The following OGG1 variants were observed in gnomAD, a reference collection of about 807,000 sequenced individuals.
The protein encoded by OGG1 is 8-oxoguanine DNA glycosylase.
Under a neutral mutation model 42.3 loss-of-function variants are expected in OGG1, and 35 were observed. The ratio of observed to expected loss-of-function variants is 0.83; its 90% CI spans 0.63 to 1.10. OGG1 has a LOEUF of 1.10. Ranked by LOEUF, OGG1 falls within the 50% of genes least tolerant of loss-of-function variation. OGG1 has a pLI of 0.00. For synonymous variants in OGG1, 189 were observed against 179.0 expected, an observed-to-expected ratio of 1.06 and a Z score of -0.44; for missense variants, 484 against 446.7, an observed-to-expected ratio of 1.08 and a Z score of -0.75.
At chr3:9,790,101 T>C, downstream of OGG1, 1 of 1,104,142 alleles carries the variant, frequency 9.1e-7, no homozygotes, top group Non-Finnish European at 1.2e-6. Context: ...TAGTAAACTC[T>C]TACTCATCCT....
chr3:9,790,504 C>CA (rs1371316967), downstream of OGG1, among the ~76,000 whole-genome samples: 3 of 152,240 alleles, frequency 2.0e-5, no homozygotes, highest in African/African-American at 7.2e-5. Flanking sequence ...GAATGACCAT[C>CA]ACACCTTGTC....
chr3:9,768,111 C>T (rs947029139), downstream of OGG1, among the ~76,000 whole-genome samples: 1 of 152,070 alleles, frequency 6.6e-6, no homozygotes, highest in African/African-American at 2.4e-5. Context: ...ACAGATAAAC[C>T]CCCAGAGCAG....
rs1330901013 is a variant in OGG1 at position 9,751,898 on chromosome 3, C to T, written c.514C>T (p.Gln172Ter). The T allele has an allele frequency of 6.2e-7, 1 of 1,614,188 alleles. No individual in the cohort carries two copies. The highest frequency in any genetic ancestry group is 1.7e-5 in the Admixed American group (1 of 60,024). ...LCQAFGPRLI[Q>*]LDDVTYHGFP... is the part of the protein sequence containing the mutation. ...CCAGGCTTTTGGACCTCGGCTCATC[C>T]AGCTTGATGATGTCACCTACCATGG... is the stretch of plus-strand genomic sequence containing the variant. The change falls in exon 3 of 7, where the codon CAG becomes TAG. Residue 172 changes from glutamine to a stop codon, truncating the protein, a stop_gained. Coordinates refer to ENST00000344629, the MANE Select transcript of OGG1 (RefSeq NM_002542.6). LOFTEE classifies it high-confidence loss of function.
intron 3 of OGG1, 35 bp downstream of exon 3, chr3:9,751,984 A>G (rs758135895): frequency 6.3e-7 from 1 of 1,597,922 alleles, no homozygotes; most frequent in Non-Finnish European, 8.6e-7. Context: ...CAGGCCTTCC[A>G]TCAGCTTTCA....
At position 9,751,897 on chromosome 3, in the gene OGG1, C is replaced by T. The variant is rs776944662; in HGVS notation, c.513C>T (p.Ile171=). Residue 171 remains isoleucine, a synonymous_variant, in exon 3 of 7, where the codon ATC becomes ATT. Coordinates refer to ENST00000344629, the MANE Select transcript of OGG1 (RefSeq NM_002542.6). ...GCCAGGCTTTTGGACCTCGGCTCATCCAGCTTGATGATGTCACCTACCATG... is the reference window on the plus strand; with the variant it reads ...GCCAGGCTTTTGGACCTCGGCTCATTCAGCTTGATGATGTCACCTACCATG... ...RLCQAFGPRL[I]QLDDVTYHGF... The T allele has an allele frequency of 6.2e-7, 1 of 1,614,182 alleles. No homozygotes were observed. The highest frequency in any genetic ancestry group is 1.1e-5 in the South Asian group (1 of 91,068).
chr3:9,752,805 C>A (rs1015659588), intron 3 of OGG1, among the ~76,000 whole-genome samples: 13 of 151,884 alleles, frequency 8.6e-5, no homozygotes, highest in Non-Finnish European at 1.5e-4. Flanking sequence ...AATCCCAACA[C>A]TTTGGGAGGT....
chr3:9,754,703 G>A lies in OGG1; in HGVS notation c.566-1G>A. ...CTTGCCCTCCTCCTCACTCCCCGCA[G>A]GGCCAGAGGTGGAGGCTCATCTCAG... On this transcript the variant is annotated splice_acceptor_variant, in intron 3 of 6. Coordinates refer to ENST00000344629, the MANE Select transcript of OGG1 (RefSeq NM_002542.6). LOFTEE classifies it high-confidence loss of function. 5 of 1,614,058 alleles carry A rather than the reference G, an allele frequency of 3.1e-6. No individual in the cohort carries two copies. The highest frequency in any genetic ancestry group is 3.4e-6 in the Non-Finnish European group (4 of 1,179,994).
At chr3:9,759,459 T>C (rs765837789), downstream of OGG1, 8 of 1,614,082 alleles carry the variant, frequency 5.0e-6, no homozygotes, top group Non-Finnish European at 6.8e-6. Flanking sequence ...CTGGGGAGGC[T>C]GGGACCAGAA....
At chr3:9,785,299 G>A (rs747035526) in intron 3 of OGG1, 1 of 1,596,900 alleles carries the variant, frequency 6.3e-7, no homozygotes, top group East Asian at 2.2e-5. Flanking sequence ...GTGGGTTGTG[G>A]ATAGGACACC....
In OGG1 at chr3:9,751,877, G is replaced by C. The variant is rs745652764; in HGVS notation, c.493G>C (p.Ala165Pro). 2 of 1,614,176 alleles carry C rather than the reference G, an allele frequency of 1.2e-6. No individual in the cohort carries two copies. The highest frequency in any genetic ancestry group is 1.7e-6 in the Non-Finnish European group (2 of 1,180,038). ...TGGCATGGTGGAGCGGCTGTGCCAG[G>C]CTTTTGGACCTCGGCTCATCCAGCT... Reference protein sequence around the residue: ...ITGMVERLCQAFGPRLIQLDD... With the variant: ...ITGMVERLCQPFGPRLIQLDD... Residue 165 changes from alanine (A) to proline (P), a missense_variant, in exon 3 of 7, where the codon GCT (alanine) becomes CCT (proline). Physicochemically the swap from Ala to Pro is conservative, Grantham distance 27. Coordinates refer to ENST00000344629, the MANE Select transcript of OGG1 (RefSeq NM_002542.6).
chr3:9,762,587 C>T (rs1407629407), intron 7 of OGG1, among the ~76,000 whole-genome samples: 2 of 152,056 alleles, frequency 1.3e-5, no homozygotes, highest in African/African-American at 4.8e-5. Context: ...AAGCTGGTCT[C>T]GAACTGACCT....
chr3:9,787,483 CAACG>C lies in OGG1; in HGVS notation c.383-242_383-239del, dbSNP rs2078643094. On this transcript the variant is annotated intron_variant, in intron 3 of 3. Coordinates refer to the OGG1 transcript ENST00000426518. Reference sequence around the variant, plus strand: ...AGTGTCAGGTGTAGGTAAGAAAGTACAACGAAGATAAAACCTGTACTTCACACTC... The same window carrying C: ...AGTGTCAGGTGTAGGTAAGAAAGTACAAGATAAAACCTGTACTTCACACTC... 2.4e-6 allele frequency: 3 copies of C among 1,257,858 alleles called. No homozygotes were observed. In the Admixed American group the frequency reaches 8.6e-5, roughly 36 times the overall value. 77.9% of individuals were successfully genotyped at this position (1,257,858 alleles called of 1,614,324 possible). A position where few individuals can be genotyped will look rare whatever the true frequency, so the allele number is the denominator to read the frequency against.
At position 9,754,797 on chromosome 3, in the gene OGG1, G is replaced by A. The variant is rs1202770224; in HGVS notation, c.659G>A (p.Gly220Asp). Residue 220 changes from glycine (G) to aspartate (D), a missense_variant, in exon 4 of 7, where the codon GGC becomes GAC. By Grantham distance (94) the Gly-to-Asp change is moderately conservative. Coordinates refer to ENST00000344629, the MANE Select transcript of OGG1 (RefSeq NM_002542.6). ...GCCCGAGCCATCCTGGAAGAACAGG[G>A]CGGGCTAGCCTGGCTGCAGCAGCTA... ...ASARAILEEQ[G>D]GLAWLQQLRE... is the part of the protein sequence containing the mutation. 6.2e-7 allele frequency: 1 copy of A among 1,613,628 alleles called. No individual in the cohort carries two copies. Among genetic ancestry groups the A allele is most frequent in the Admixed American group, 1.7e-5 (1 of 59,944 alleles).
downstream of OGG1, chr3:9,762,289 T>A (rs1314239348): frequency 1.3e-5 from 2 of 153,680 alleles, no homozygotes; most frequent in Admixed American, 1.3e-4. Context: ...TTTCGGGGAT[T>A]TCTGGCTTTT....
chr3:9,752,425 T>C (rs1402566140), intron 3 of OGG1, among the ~76,000 whole-genome samples: 1 of 149,990 alleles, frequency 6.7e-6, no homozygotes, highest in Non-Finnish European at 1.5e-5. Flanking sequence ...ACACAGGAAG[T>C]ATATGTAAAA....
downstream of OGG1, chr3:9,758,013 T>C: frequency 1.9e-6 from 2 of 1,072,734 alleles, no homozygotes; most frequent in South Asian, 1.7e-5. Flanking sequence ...GGCTTTATTA[T>C]ATATTTACAC....
downstream of OGG1, chr3:9,757,650 C>A (rs528036291): frequency 5.0e-6 from 8 of 1,614,078 alleles, no homozygotes; most frequent in Middle Eastern, 6.6e-4. The surrounding 1 kb of genome is among the most constrained non-coding windows in gnomAD (Gnocchi z 4.5). Context: ...CAGAGGTGGC[C>A]GCAGGGGCAG....
chr3:9,776,858 G>A (rs1171914947), intron 2 of OGG1, among the ~76,000 whole-genome samples: 2 of 152,200 alleles, frequency 1.3e-5, no homozygotes, highest in Non-Finnish European at 1.5e-5. Flanking sequence ...GAGTGAATAA[G>A]TGAATAGGGT....
Position 9,785,346 on chromosome 3 carries a change from G to A in OGG1, c.383-2382G>A, listed in dbSNP as rs1559717874. On this transcript the variant is annotated intron_variant, in intron 3 of 3. Coordinates refer to the OGG1 transcript ENST00000426518. ...GGGCTTGTTCTGATTGCGAGGGGAG[G>A]TGCTTGCCCCGTCAGCCCCTGATTC... is the stretch of plus-strand genomic sequence containing the variant. The A allele has an allele frequency of 6.2e-7, 1 of 1,614,038 alleles. No individual in the cohort carries two copies. The highest frequency in any genetic ancestry group is 2.2e-5 in the East Asian group (1 of 44,880).
Sources: allele counts gnomAD v4.1 joint callset (sites outside exome capture counted in the v4.1 genomes callset), GRCh38; gene constraint gnomAD v4.1.1; non-coding constraint Gnocchi (gnomAD v3.1); transcripts MANE v1.5; gene names NCBI Gene and HGNC (gene_info 2026-07-23, HGNC 2026-07-21).